Variants in COL22A1 observed in about 807,000 individuals in gnomAD.
COL22A1 encodes the protein collagen type XXII alpha 1 chain.
A neutral mutation model predicts 248.9 loss-of-function variants in COL22A1; 221 were observed. The ratio of observed to expected loss-of-function variants is 0.89; its 90% CI spans 0.80 to 0.99. COL22A1 has a LOEUF of 0.99. Ranked by LOEUF, COL22A1 falls within the 50% of genes least tolerant of loss-of-function variation. The pLI, the probability that COL22A1 is intolerant of heterozygous loss-of-function variation, is 0.00. For missense variants in COL22A1, 2,240 were observed against 2,179.0 expected, an observed-to-expected ratio of 1.03 and a Z score of -0.56; for synonymous variants, 891 against 793.4, an observed-to-expected ratio of 1.12 and a Z score of -2.07.
chr8:138,709,005 G>C (rs1168433647), intron 30 of COL22A1, among the ~76,000 whole-genome samples: 2 of 152,170 alleles, frequency 1.3e-5, no homozygotes, highest in Non-Finnish European at 2.9e-5. Flanking sequence ...CTCAAAAGAA[G>C]ACATTTATGC....
chr8:138,745,878 C>T (rs565512659), intron 22 of COL22A1, among the ~76,000 whole-genome samples: 139 of 152,308 alleles, frequency 9.1e-4, no homozygotes, highest in African/African-American at 3.2e-3. Context: ...GATGACAGTG[C>T]TCCCTGATCA....
intron 59 of COL22A1, 91 bp downstream of exon 59, chr8:138,604,643 T>C: frequency 9.7e-7 from 1 of 1,028,566 alleles, no homozygotes; most frequent in Non-Finnish European, 1.5e-6. Flanking sequence ...AAGGCAAGTG[T>C]GGGCCCTTCT....
intron 35 of COL22A1, among the ~76,000 whole-genome samples, chr8:138,692,258 G>GCGTGCGTGTATGCTTGTT (rs1564201694): frequency 3.6e-5 from 1 of 28,106 alleles, no homozygotes; most frequent in African/African-American, 1.2e-4. Flanking sequence ...GTATGTGTGC[G>GCGTGCGTGTATGCTTGTT]TGTGTGCATG....
At chr8:138,680,339 G>A (rs924872841) in intron 39 of COL22A1, among the ~76,000 whole-genome samples, 11 of 152,278 alleles carry the variant, frequency 7.2e-5, no homozygotes, top group Admixed American at 3.9e-4. Context: ...TCCTTCATAC[G>A]GAAAAGGAAC....
intron 43 of COL22A1, among the ~76,000 whole-genome samples, chr8:138,661,719 G>A (rs938312014): frequency 5.3e-5 from 8 of 151,220 alleles, no homozygotes; most frequent in Admixed American, 2.6e-4. Flanking sequence ...TGCCTGATTC[G>A]AGCAGAACTG....
intron 12 of COL22A1, 130 bp from the exon 13 acceptor site, chr8:138,781,110 C>T: frequency 1.5e-6 from 1 of 685,212 alleles, no homozygotes; most frequent in Non-Finnish European, 2.5e-6. Flanking sequence ...AAAAATTGAT[C>T]CACAAGCCTG....
intron 1 of COL22A1, among the ~76,000 whole-genome samples, chr8:138,912,288 C>CTTTCATT (rs1815506074): frequency 6.6e-6 from 1 of 152,192 alleles, no homozygotes; most frequent in Non-Finnish European, 1.5e-5. Context: ...TGCAGCAGGC[C>CTTTCATT]TCTAACAAAA....
intron 25 of COL22A1, 119 bp downstream of exon 25, chr8:138,724,496 G>T: frequency 1.1e-6 from 1 of 947,468 alleles, no homozygotes; most frequent in Non-Finnish European, 1.7e-6. Flanking sequence ...AGGCCTTGCT[G>T]GCCAAGGAGT....
intron 4 of COL22A1, among the ~76,000 whole-genome samples, chr8:138,842,939 A>T (rs1332886263): frequency 6.6e-6 from 1 of 152,188 alleles, no homozygotes; most frequent in African/African-American, 2.4e-5. Context: ...GGCAGGATTC[A>T]GGGAAAGAAA....
At chr8:138,652,734 G>GTTTTTTTTTTTTTTTTTTT (rs1564146836) in intron 45 of COL22A1, among the ~76,000 whole-genome samples, 8 of 45,910 alleles carry the variant, frequency 1.7e-4, no homozygotes, top group African/African-American at 3.6e-4. Flanking sequence ...TTCCTTTTCT[G>GTTTTTTTTTTTTTTTTTTT]GTTTTTTTTT....
At chr8:138,783,490 C>T (rs1815228218) in intron 12 of COL22A1, among the ~76,000 whole-genome samples, 1 of 152,064 alleles carries the variant, frequency 6.6e-6, no homozygotes, top group Admixed American at 6.5e-5. Flanking sequence ...CCAGTCTCTC[C>T]TTCCACATTT....
Position 138,617,005 on chromosome 8 carries a change from G to A in COL22A1, c.3826-47C>T, listed in dbSNP as rs374005332. On this transcript the variant is annotated intron_variant, in intron 53 of 64. Transcript: ENST00000303045. ...TATTCCATGATAGAGCAGGCTCTTG[G>A]GGCAGAAGTGGGCAGGCATACCTCC... 488 of 1,602,638 alleles carry A rather than the reference G, an allele frequency of 3.0e-4. 2 individuals carry two copies. Among genetic ancestry groups the A allele is most frequent in the Non-Finnish European group, 3.8e-4 (450 of 1,169,810 alleles).
At chr8:138,627,208 G>T (rs1441059703) in intron 50 of COL22A1, among the ~76,000 whole-genome samples, 1 of 152,192 alleles carries the variant, frequency 6.6e-6, no homozygotes, top group Admixed American at 6.5e-5. Context: ...TATTATTAGA[G>T]ATTTTTAGTT....
At chr8:138,604,856 C>G (rs1381755864) in intron 58 of COL22A1, 87 bp from the exon 59 acceptor site, 1 of 1,121,562 alleles carries the variant, frequency 8.9e-7, no homozygotes, top group Admixed American at 1.9e-5. Context: ...CATTTCCACT[C>G]AAGTCATGTT....
rs555578107 is a variant in COL22A1 at position 138,841,819 on chromosome 8, GC to G, written c.733+2264del. Among the ~76,000 whole-genome samples the G allele has an allele frequency of 4.1e-3, 620 of 152,298 alleles. 2 individuals are homozygous for G. The highest frequency in any genetic ancestry group is 0.014 in the African/African-American group (590 of 41,570). On this transcript the variant is annotated intron_variant, in intron 4 of 64. Transcript: ENST00000303045. ...GTGCAATTTTCTTTCAACTCTTCCA[GC>G]CACCAAGTAGATGCAATGACAGCAA...
At chr8:138,746,703 G>A (rs1236594969) in intron 22 of COL22A1, among the ~76,000 whole-genome samples, 1 of 152,196 alleles carries the variant, frequency 6.6e-6, no homozygotes, top group African/African-American at 2.4e-5. Flanking sequence ...CCACCATCCT[G>A]CCTTGTCACT....
chr8:138,830,083 T>C (rs554741203), intron 5 of COL22A1, among the ~76,000 whole-genome samples: 2 of 152,276 alleles, frequency 1.3e-5, no homozygotes, highest in South Asian at 2.1e-4. Flanking sequence ...AGAAAGGAAA[T>C]AGCTGAATCC....
At chr8:138,822,657 T>C (rs113595239) in intron 6 of COL22A1, among the ~76,000 whole-genome samples, 180 of 152,302 alleles carry the variant, frequency 1.2e-3, no homozygotes, top group African/African-American at 4.0e-3. Flanking sequence ...TTAGGACTTC[T>C]TCTCGGCTCC....
chr8:138,712,807 TCAGCAGAGGGTAAGTGTTCTAC>T (rs1325820436), intron 30 of COL22A1, among the ~76,000 whole-genome samples: 1 of 150,452 alleles, frequency 6.6e-6, no homozygotes, highest in Admixed American at 6.6e-5. Flanking sequence ...ATGTATTCTA[TCAGCAGAGGGTAAGTGTTCTAC>T]CAGCAGAGGG....
Sources: gnomAD v4.1 joint callset for allele counts (sites outside exome capture counted in the v4.1 genomes callset) on GRCh38, gnomAD v4.1.1 for gene constraint, MANE v1.5 for transcripts, NCBI Gene and HGNC (gene_info 2026-07-23, HGNC 2026-07-21) for gene names.